Variants in CARD10 observed in about 807,000 individuals in gnomAD.
The protein encoded by CARD10 is caspase recruitment domain family member 10, also known as caspase recruitment domain-containing protein 10.
Under a neutral mutation model 114.6 loss-of-function variants are expected in CARD10, and 49 were observed. The observed-to-expected ratio is 0.43, with a 90% CI of 0.34 to 0.54. The LOEUF (loss-of-function observed/expected upper bound fraction) is 0.54. Among genes scored for constraint, CARD10 ranks in the 20% least tolerant of loss-of-function variants. CARD10 has a pLI of 0.03. For synonymous variants in CARD10, 602 were observed against 593.2 expected (o/e 1.01, Z -0.21); for missense variants, 1,206 against 1,397.2 (o/e 0.86, Z 2.18).
Position 37,519,336 on chromosome 22 carries a change from G to T in CARD10, c.-136C>A. On this transcript the variant is annotated 5_prime_UTR_variant, in exon 1 of 20. Transcript: ENST00000251973. This position sits in a 1 kb window ranked among gnomAD's most constrained non-coding sequence, Gnocchi z 4.1. ...CGGGGGCGCGCCCCGAGCTCCCCGC[G>T]ACTCACCCCGCACGCTACAGTCGCC... 1 of 1,333,580 alleles carries T rather than the reference G, an allele frequency of 7.5e-7. No individual in the cohort carries two copies. Among genetic ancestry groups the T allele is most frequent in the Non-Finnish European group, 9.6e-7 (1 of 1,045,614 alleles). The allele number at this position is 1,333,580 out of a possible 1,614,324, so 82.6% of individuals were successfully genotyped here.
chr22:37,506,290 C>G lies in CARD10; in HGVS notation c.1285G>C (p.Glu429Gln). ...AGCGTTGTCAGCAGCTCATCCCGCT[C>G]CGCCTCCAGGCCCCGCACCTGCTTG... is the stretch of plus-strand genomic sequence containing the variant. ...YRKQVRGLEA[E>Q]RDELLTTLTS... is the part of the protein sequence containing the mutation. Residue 429 changes from glutamate (E) to glutamine (Q), a missense_variant, in exon 7 of 20, where the codon GAG becomes CAG. Coordinates refer to ENST00000251973, the MANE Select transcript of CARD10 (RefSeq NM_014550.4). 1 of 1,610,640 alleles carries G rather than the reference C, an allele frequency of 6.2e-7. No homozygotes were observed. Among genetic ancestry groups the G allele is most frequent in the Non-Finnish European group, 8.5e-7 (1 of 1,178,526 alleles).
chr22:37,517,920 A>G (rs1923895511), intron 2 of CARD10, 51 bp downstream of exon 2: 2 of 1,592,220 alleles, frequency 1.3e-6, no homozygotes, highest in Admixed American at 1.7e-5. Context: ...TGGGGAAAGG[A>G]GCCTGTGCAC....
At chr22:37,508,950 C>T (rs932326) in intron 4 of CARD10, 1 of 1,527,524 alleles carries the variant, frequency 6.5e-7, no homozygotes. Flanking sequence ...GACAAGTTCA[C>T]CCAGGATTAT....
At chr22:37,513,368 C>T (rs1923728288) in intron 3 of CARD10, among the ~76,000 whole-genome samples, 1 of 152,178 alleles carries the variant, frequency 6.6e-6, no homozygotes, top group African/African-American at 2.4e-5. Flanking sequence ...CCTCAGCCTC[C>T]CAAAGTGCTG....
chr22:37,507,592 G>C (rs1052348119), intron 6 of CARD10, among the ~76,000 whole-genome samples: 5 of 152,236 alleles, frequency 3.3e-5, no homozygotes, highest in Non-Finnish European at 5.9e-5. Context: ...ACCAGGACCA[G>C]CTTCTGTAAC....
rs890360469 is a variant in CARD10 at position 37,496,585 on chromosome 22, G to A, written c.1948-25C>T. On this transcript the variant is annotated intron_variant, in intron 12 of 19. Coordinates refer to ENST00000251973, the MANE Select transcript of CARD10 (RefSeq NM_014550.4). The surrounding 1 kb of genome is among the most constrained non-coding windows in gnomAD (Gnocchi z 4.1). ...GCTGGGAGAAAACCCAGGCAGGGAG[G>A]GAAAGAAGTGAGCCTCTGAGAGTAG... is the stretch of plus-strand genomic sequence containing the variant. 2.6e-6 allele frequency: 4 copies of A among 1,549,174 alleles called. No individual in the cohort carries two copies. The highest frequency in any genetic ancestry group is 2.7e-6 in the Non-Finnish European group (3 of 1,124,584).
intron 3 of CARD10, among the ~76,000 whole-genome samples, chr22:37,514,273 T>C (rs1386094704): frequency 6.6e-6 from 1 of 151,868 alleles, no homozygotes; most frequent in African/African-American, 2.4e-5. Flanking sequence ...GCACTGAGGA[T>C]GGTATCTATA....
chr22:37,491,813 C>A lies in CARD10; in HGVS notation c.2806G>T (p.Glu936Ter). The A allele has an allele frequency of 5.2e-6, 8 of 1,544,772 alleles. No individual in the cohort carries two copies. Among genetic ancestry groups the A allele is most frequent in the Non-Finnish European group, 7.0e-6 (8 of 1,137,852 alleles). ...ARGVRELVQN[E>*]IYPIVIHVEV... ...ACGTGGATGACGATGGGGTAGATCT[C>A]GTTCTGCACCAGCTCCCGCACACCC... Residue 936 changes from glutamate (E) to a stop codon, truncating the protein, a stop_gained, in exon 19 of 20, where the codon GAG becomes TAG. Transcript: ENST00000251973. LOFTEE classifies it high-confidence loss of function.
chr22:37,508,432 C>T lies in CARD10; in HGVS notation c.1065+95G>A, dbSNP rs913285881. On this transcript the variant is annotated intron_variant, in intron 5 of 19. Coordinates refer to ENST00000251973, the MANE Select transcript of CARD10 (RefSeq NM_014550.4). The stretch of plus-strand genomic sequence containing the variant: ...CAAATGAATGCAGTTCTCAGCGCGG[C>T]GCCTGCGTCAAGCAGATGCTCAGGG... 1.3e-5 allele frequency: 17 copies of T among 1,301,774 alleles called. No individual in the cohort carries two copies. The African/African-American group carries it at 1.5e-4, about 11-fold the overall frequency. The allele number at this position is 1,301,774 out of a possible 1,614,324, so 80.6% of individuals were successfully genotyped here.
At chr22:37,518,687 C>T (rs1302040511) in intron 1 of CARD10, among the ~76,000 whole-genome samples, 1 of 152,220 alleles carries the variant, frequency 6.6e-6, no homozygotes, top group African/African-American at 2.4e-5. Flanking sequence ...CCGGCCCTGG[C>T]AGCCACATCC....
In CARD10 at chr22:37,508,277, C is replaced by T. The variant is rs1343045645; in HGVS notation, c.1065+250G>A. ...GCCTTTGACTACATGAAATAGCTGA[C>T]GTGGGACTGTGTATCTCACATACTG... On this transcript the variant is annotated intron_variant, in intron 5 of 19. Transcript: ENST00000251973. 2.6e-5 allele frequency among the ~76,000 whole-genome samples: 4 copies of T among 152,362 alleles called. No individual in the cohort carries two copies. In the East Asian group the frequency reaches 7.7e-4, roughly 29 times the overall value.
intron 11 of CARD10, among the ~76,000 whole-genome samples, chr22:37,500,650 T>C (rs1030793763): frequency 2.0e-5 from 3 of 151,886 alleles, no homozygotes; most frequent in African/African-American, 7.3e-5. Context: ...GGATGTGAGA[T>C]CTCCAACAGC....
In CARD10 at chr22:37,504,705, G is replaced by A. The variant is rs1313406227; in HGVS notation, c.1448C>T (p.Pro483Leu). 6.3e-7 allele frequency: 1 copy of A among 1,584,068 alleles called. No homozygotes were observed. The highest frequency in any genetic ancestry group is 1.2e-5 in the South Asian group (1 of 86,276). ...TGCTTCTGGGCCTCCCAGAGGGGAG[G>A]GGAACTCGCTCAGGCTCCAAGTGCT... is the stretch of plus-strand genomic sequence containing the variant. ...LSSTWSLSEF[P>L]SPLGGPEATG... Residue 483 changes from proline (P) to leucine (L), a missense_variant, in exon 8 of 20, where the codon CCC (proline) becomes CTC (leucine). Pro to Leu is a moderately conservative substitution (Grantham distance 98). Coordinates refer to ENST00000251973, the MANE Select transcript of CARD10 (RefSeq NM_014550.4).
rs1022190892 is a variant in CARD10, at chr22:37,491,061, C to T, written c.*98G>A. On this transcript the variant is annotated 3_prime_UTR_variant, in exon 20 of 20. Coordinates refer to ENST00000251973, the MANE Select transcript of CARD10 (RefSeq NM_014550.4). ...GCCAAGGGCCCTGCATCTGAGAGTCCAAGGGTCTAGGAAGGCTCAGGGTGG... is the reference window on the plus strand; with the variant it reads ...GCCAAGGGCCCTGCATCTGAGAGTCTAAGGGTCTAGGAAGGCTCAGGGTGG... The T allele has an allele frequency of 4.6e-5, 45 of 981,330 alleles. No homozygotes were observed. The highest frequency in any genetic ancestry group is 6.1e-5 in the Non-Finnish European group (40 of 657,062). 60.8% of individuals were successfully genotyped at this position (981,330 alleles called of 1,614,324 possible).
At chr22:37,514,103 CAAAA>C (rs5845349) in intron 3 of CARD10, among the ~76,000 whole-genome samples, 6,768 of 133,240 alleles carry the variant, frequency 0.051, 195 homozygotes, top group Non-Finnish European at 0.071. Context: ...GACTCCATCT[CAAAA>C]AAAAAAAAAA....
At chr22:37,508,715 C>G (rs563122887) in intron 4 of CARD10, 33 bp from the exon 5 acceptor site, 1 of 1,528,928 alleles carries the variant, frequency 6.5e-7, no homozygotes, top group Non-Finnish European at 8.8e-7. Flanking sequence ...ACCTCAGGGT[C>G]TGGCTAGGGG....
At chr22:37,499,843 C>T (rs1923148116) in intron 11 of CARD10, among the ~76,000 whole-genome samples, 1 of 151,928 alleles carries the variant, frequency 6.6e-6, no homozygotes, top group African/African-American at 2.4e-5. Flanking sequence ...AGAGAAAGGA[C>T]ACAGCAGGGA....
chr22:37,493,422 A>G (rs1487301849), intron 16 of CARD10, among the ~76,000 whole-genome samples: 1 of 152,198 alleles, frequency 6.6e-6, no homozygotes, highest in Non-Finnish European at 1.5e-5. Flanking sequence ...AGGTGGGATT[A>G]TCTGACTCTC....
chr22:37,495,424 T>C (rs1922961555), intron 15 of CARD10, 93 bp downstream of exon 15: 1 of 941,928 alleles, frequency 1.1e-6, no homozygotes, highest in African/African-American at 1.7e-5. Flanking sequence ...GGAGGGAGTG[T>C]CTTCCTAGGT....
Sources: gnomAD v4.1 joint callset for allele counts (sites outside exome capture counted in the v4.1 genomes callset) on GRCh38, gnomAD v4.1.1 for gene constraint, Gnocchi (gnomAD v3.1) non-coding constraint, MANE v1.5 for transcripts, NCBI Gene and HGNC (gene_info 2026-07-23, HGNC 2026-07-21) for gene names.